Variants in TTC29 observed in about 807,000 individuals in gnomAD.
TTC29 encodes tetratricopeptide repeat protein 29.
In TTC29, 49 loss-of-function variants were observed where a neutral mutation model predicts 58.1. That is an observed-to-expected ratio of 0.84 (90% CI 0.67 to 1.07). The LOEUF is 1.07. TTC29 is among the 50% of genes least tolerant of loss of function. The pLI is 0.00. For missense variants in TTC29, 582 were observed against 555.6 expected (o/e 1.05, Z -0.48); for synonymous variants, 209 against 196.8 (o/e 1.06, Z -0.52).
At chr4:146,918,073 T>G (rs1350391979) in intron 4 of TTC29, among the ~76,000 whole-genome samples, 1 of 150,970 alleles carries the variant, frequency 6.6e-6, no homozygotes, top group African/African-American at 2.4e-5. Context: ...TATGTGATTA[T>G]CAAAACAGTT....
At chr4:146,812,763 A>G (rs1439720256) in intron 10 of TTC29, 1 of 152,242 alleles carries the variant, frequency 6.6e-6, no homozygotes, top group Non-Finnish European at 1.5e-5. Context: ...GTACCATTTT[A>G]GAATGAGATT....
intron 11 of TTC29, among the ~76,000 whole-genome samples, chr4:146,772,472 C>T (rs1299773171): frequency 6.6e-6 from 1 of 152,074 alleles, no homozygotes; most frequent in Admixed American, 6.6e-5. Flanking sequence ...ATCCCAGAAC[C>T]ATTTAGTGAA....
intron 11 of TTC29, among the ~76,000 whole-genome samples, chr4:146,719,663 TCA>T (rs1310185868): frequency 6.6e-6 from 1 of 152,096 alleles, no homozygotes; most frequent in Non-Finnish European, 1.5e-5. Flanking sequence ...AAGAAAAAAG[TCA>T]CATACTCCAG....
chr4:146,944,226 G>C (rs905036988), intron 2 of TTC29: 19 of 152,242 alleles, frequency 1.2e-4, no homozygotes, highest in African/African-American at 4.6e-4. Flanking sequence ...ATCGGGTGCT[G>C]AGACAAAGAT....
rs201865801 is a variant in TTC29, at chr4:146,790,524, A to AT, written c.1330+12932dup. ...CACTTTCTATTTTCATACCTGCTTTATTTTTTTTTTTGTAGCACTTACCAC... is the reference window on the plus strand; with the variant it reads ...CACTTTCTATTTTCATACCTGCTTTATTTTTTTTTTTTGTAGCACTTACCAC... On this transcript the variant is annotated intron_variant, in intron 11 of 12. Coordinates refer to ENST00000325106, the MANE Select transcript of TTC29 (RefSeq NM_031956.4). Among the ~76,000 whole-genome samples the AT allele has an allele frequency of 5.6e-3, 817 of 145,952 alleles. 5 individuals are homozygous for AT. Among genetic ancestry groups the AT allele is most frequent in the Middle Eastern group, 0.028 (8 of 284 alleles).
At chr4:146,858,184 C>T (rs1193033844) in intron 8 of TTC29, among the ~76,000 whole-genome samples, 2 of 152,134 alleles carry the variant, frequency 1.3e-5, no homozygotes, top group Non-Finnish European at 2.9e-5. Context: ...AGTGAAGCTG[C>T]CATTAGTATT....
At chr4:146,838,144 G>C (rs927892912) in intron 8 of TTC29, among the ~76,000 whole-genome samples, 26 of 151,982 alleles carry the variant, frequency 1.7e-4, no homozygotes, top group African/African-American at 3.1e-4. Context: ...AAATGAAATA[G>C]ATGTACTTGG....
chr4:146,715,354 TCA>T (rs1377576158), intron 11 of TTC29, among the ~76,000 whole-genome samples: 1 of 152,150 alleles, frequency 6.6e-6, no homozygotes, highest in African/African-American at 2.4e-5. Context: ...AGATATGGAA[TCA>T]ACCTAAGTGT....
intron 6 of TTC29, among the ~76,000 whole-genome samples, chr4:146,890,611 A>T (rs904118104): frequency 6.6e-6 from 1 of 152,234 alleles, no homozygotes; most frequent in African/African-American, 2.4e-5. Flanking sequence ...AGGGATAGTC[A>T]TCAGAGGCTT....
intron 11 of TTC29, among the ~76,000 whole-genome samples, chr4:146,726,599 T>C (rs934364447): frequency 2.0e-5 from 3 of 152,200 alleles, no homozygotes; most frequent in African/African-American, 7.2e-5. Flanking sequence ...GGTTTTGTGA[T>C]ATTTTTCATG....
At chr4:146,735,993 C>T (rs188338488) in intron 11 of TTC29, among the ~76,000 whole-genome samples, 1 of 152,188 alleles carries the variant, frequency 6.6e-6, no homozygotes, top group Non-Finnish European at 1.5e-5. Context: ...AGTCTTAATA[C>T]AATACTATCG....
At chr4:146,934,781 G>A (rs559063432) in intron 4 of TTC29, among the ~76,000 whole-genome samples, 1 of 152,030 alleles carries the variant, frequency 6.6e-6, no homozygotes, top group East Asian at 1.9e-4. Flanking sequence ...AGATGAGAGC[G>A]TTCAACTTGG....
chr4:146,938,291 T>C (rs765504490), intron 3 of TTC29, among the ~76,000 whole-genome samples: 1 of 152,146 alleles, frequency 6.6e-6, no homozygotes, highest in Non-Finnish European at 1.5e-5. Flanking sequence ...ACTATGATGA[T>C]TGATATGGAA....
intron 4 of TTC29, among the ~76,000 whole-genome samples, chr4:146,909,616 G>T (rs143682942): frequency 0.03 from 4,586 of 151,994 alleles, 128 homozygotes; most frequent in Middle Eastern, 0.054. Context: ...AATAAAACTT[G>T]CCATTTAATA....
intron 6 of TTC29, among the ~76,000 whole-genome samples, chr4:146,877,742 A>G (rs763590681): frequency 7.9e-5 from 12 of 152,248 alleles, no homozygotes; most frequent in Non-Finnish European, 1.6e-4. Flanking sequence ...TTGGCCATGT[A>G]AGTGGGGAGA....
At chr4:146,912,922 A>G (rs1005490633) in intron 4 of TTC29, among the ~76,000 whole-genome samples, 4 of 152,220 alleles carry the variant, frequency 2.6e-5, no homozygotes, top group African/African-American at 9.6e-5. Flanking sequence ...AGGAGCAAGG[A>G]TAACAACCAG....
intron 5 of TTC29, among the ~76,000 whole-genome samples, chr4:146,907,569 G>A (rs1733604822): frequency 6.6e-6 from 1 of 152,296 alleles, no homozygotes; most frequent in East Asian, 1.9e-4. Context: ...AGCAATCTCA[G>A]CTCACTGCAA....
At chr4:146,757,686 A>T (rs984358268) in intron 11 of TTC29, among the ~76,000 whole-genome samples, 2 of 152,140 alleles carry the variant, frequency 1.3e-5, no homozygotes, top group Non-Finnish European at 2.9e-5. Flanking sequence ...CAAAACAATT[A>T]CCAGCCAAGA....
At chr4:146,763,509 T>C (rs1023395931) in intron 11 of TTC29, among the ~76,000 whole-genome samples, 1 of 152,018 alleles carries the variant, frequency 6.6e-6, no homozygotes, top group African/African-American at 2.4e-5. Flanking sequence ...TTCAAATGAC[T>C]GGAAGTTTAA....
Sources: allele counts gnomAD v4.1 joint callset (sites outside exome capture counted in the v4.1 genomes callset), GRCh38; gene constraint gnomAD v4.1.1; transcripts MANE v1.5; gene names NCBI Gene and HGNC (gene_info 2026-07-23, HGNC 2026-07-21).